PDE6A: variants seen among roughly 807,000 people sequenced by gnomAD.
PDE6A encodes phosphodiesterase 6A.
PDE6A carries 84 observed loss-of-function variants against 106.3 expected under a neutral mutation model. That is an observed-to-expected ratio of 0.79 (90% CI 0.66 to 0.95). PDE6A has a LOEUF of 0.95. Among genes scored for constraint, PDE6A ranks in the 40% least tolerant of loss-of-function variants. The pLI, the probability that PDE6A is intolerant of heterozygous loss-of-function variation, is 0.00. For synonymous variants in PDE6A, 394 were observed against 386.6 expected, an observed-to-expected ratio of 1.02 and a Z score of -0.23; for missense variants, 1,052 against 1,084.9, an observed-to-expected ratio of 0.97 and a Z score of 0.43.
In PDE6A at chr5:149,869,058, C is replaced by T. The variant is rs572700598; in HGVS notation, c.2136-900G>A. ...TTAAGGCTTGGAAAGGGCCAGGTGCCGTGGCTCACGCCAGTAATCCCAGCC... is the reference window on the plus strand; with the variant it reads ...TTAAGGCTTGGAAAGGGCCAGGTGCTGTGGCTCACGCCAGTAATCCCAGCC... On this transcript the variant is annotated intron_variant, in intron 17 of 21. Transcript: ENST00000255266. Among the ~76,000 whole-genome samples, 9 of 152,264 alleles carry T rather than the reference C, an allele frequency of 5.9e-5. No individual in the cohort carries two copies. The East Asian group carries it at 9.6e-4, about 16-fold the overall frequency.
chr5:149,913,711 CAGTTA>C (rs1167767609), intron 6 of PDE6A, among the ~76,000 whole-genome samples: 1 of 152,084 alleles, frequency 6.6e-6, no homozygotes, highest in African/African-American at 2.4e-5. Flanking sequence ...AAGGCCTCTG[CAGTTA>C]AGTTGAGAAA....
intron 19 of PDE6A, chr5:149,867,455 G>A: frequency 1.8e-6 from 1 of 558,800 alleles, no homozygotes. Flanking sequence ...ATTTAGGAGG[G>A]CTTACTAGTT....
chr5:149,891,998 C>A (rs1451374518), intron 13 of PDE6A, among the ~76,000 whole-genome samples: 3 of 152,166 alleles, frequency 2.0e-5, no homozygotes, highest in African/African-American at 7.2e-5. Flanking sequence ...GATGCTATAA[C>A]ACTACTTAAA....
intron 19 of PDE6A, chr5:149,866,755 A>G (rs1036501200): frequency 4.4e-5 from 7 of 160,790 alleles, no homozygotes; most frequent in African/African-American, 1.4e-4. Flanking sequence ...CTCTTGTCTC[A>G]TAGAGATACG....
intron 13 of PDE6A, among the ~76,000 whole-genome samples, chr5:149,888,242 TCTG>T (rs1310282903): frequency 1.3e-5 from 2 of 152,140 alleles, no homozygotes; most frequent in Admixed American, 1.3e-4. Flanking sequence ...CTAAAAATTT[TCTG>T]TGCCACAGTG....
chr5:149,902,527 A>G (rs944682766), intron 8 of PDE6A, among the ~76,000 whole-genome samples: 1 of 151,898 alleles, frequency 6.6e-6, no homozygotes, highest in East Asian at 1.9e-4. Context: ...AAAAAGACAA[A>G]ATCAAATGGA....
Position 149,860,673 on chromosome 5 carries a change from C to A in PDE6A, c.*222G>T. ...TGGCGATTTTTTTTTTTAAGTTCAA[C>A]AGCTATCATTAGTGTTACTGTATTT... is the stretch of plus-strand genomic sequence containing the variant. On this transcript the variant is annotated 3_prime_UTR_variant, in exon 22 of 22. Coordinates refer to ENST00000255266, the MANE Select transcript of PDE6A (RefSeq NM_000440.3). 2.4e-5 allele frequency: 9 copies of A among 380,662 alleles called. No homozygotes were observed. Among genetic ancestry groups the A allele is most frequent in the Middle Eastern group, 6.9e-4 (1 of 1,454 alleles). 23.6% of individuals were successfully genotyped at this position (380,662 alleles called of 1,614,324 possible). A position where few individuals can be genotyped will look rare whatever the true frequency, so the allele number is the denominator to read the frequency against.
intron 6 of PDE6A, among the ~76,000 whole-genome samples, chr5:149,909,183 C>G (rs1043998155): frequency 5.3e-5 from 8 of 151,970 alleles, no homozygotes; most frequent in Admixed American, 1.3e-4. Context: ...TTGTTTGAGA[C>G]AGGGTCTCAC....
intron 13 of PDE6A, among the ~76,000 whole-genome samples, chr5:149,888,401 A>T (rs1379268777): frequency 6.6e-6 from 1 of 150,900 alleles, no homozygotes; most frequent in Admixed American, 6.6e-5. Flanking sequence ...AGGGTTAAGA[A>T]TTCTAATTAA....
chr5:149,913,066 G>A (rs1327760470), intron 6 of PDE6A, among the ~76,000 whole-genome samples: 1 of 152,070 alleles, frequency 6.6e-6, no homozygotes, highest in Non-Finnish European at 1.5e-5. Flanking sequence ...GAAAAAAAAA[G>A]AGAGATGAAC....
intron 13 of PDE6A, 55 bp from the exon 14 acceptor site, chr5:149,886,429 G>A (rs1752308969): frequency 1.8e-5 from 25 of 1,352,124 alleles, no homozygotes; most frequent in South Asian, 1.8e-4. Context: ...CTGGAAGCAG[G>A]GCTGAAAAGG....
At chr5:149,932,204 A>G (rs1231041277) in intron 3 of PDE6A, 54 of 1,291,594 alleles carry the variant, frequency 4.2e-5, no homozygotes, top group Admixed American at 3.2e-4. Context: ...CAATTGTTGT[A>G]TCTGTATTTG....
At chr5:149,925,549 A>C (rs986793290) in intron 4 of PDE6A, among the ~76,000 whole-genome samples, 2 of 151,918 alleles carry the variant, frequency 1.3e-5, no homozygotes, top group Non-Finnish European at 2.9e-5. Flanking sequence ...TGTGCTAAAA[A>C]CACAAAAATT....
intron 3 of PDE6A, chr5:149,932,283 CGCTCTCTTTTTAGTCG>C: frequency 2.8e-6 from 4 of 1,440,930 alleles, no homozygotes; most frequent in Non-Finnish European, 3.9e-6. Context: ...ACTCGTAGAC[CGCTCTCTTTTTAGTCG>C]GCCAACTGCA....
intron 13 of PDE6A, among the ~76,000 whole-genome samples, chr5:149,894,322 C>T (rs1339951952): frequency 6.6e-6 from 1 of 152,106 alleles, no homozygotes; most frequent in Non-Finnish European, 1.5e-5. Context: ...TCTCTAGACA[C>T]TGCCACAATT....
intron 10 of PDE6A, among the ~76,000 whole-genome samples, chr5:149,897,729 C>A (rs943915944): frequency 1.3e-5 from 2 of 152,114 alleles, no homozygotes; most frequent in Non-Finnish European, 2.9e-5. Context: ...TACAGGCACA[C>A]GCCACCATGC....
chr5:149,932,645 C>G lies in PDE6A; in HGVS notation c.717+1285G>C. On this transcript the variant is annotated intron_variant, in intron 3 of 21. Coordinates refer to ENST00000255266, the MANE Select transcript of PDE6A (RefSeq NM_000440.3). The stretch of plus-strand genomic sequence containing the variant: ...TGCCTTCAGTATATTCCATTTCGTA[C>G]GAATTCGACTAATTTCTGCCATCTC... The G allele has an allele frequency of 1.9e-6, 3 of 1,613,030 alleles. No individual in the cohort carries two copies. In the East Asian group the frequency reaches 6.7e-5, roughly 36 times the overall value.
chr5:149,940,211 C>G (rs1398813174), intron 1 of PDE6A: 1 of 152,190 alleles, frequency 6.6e-6, no homozygotes, highest in African/African-American at 2.4e-5. Context: ...ATCTGTGAAA[C>G]AGAGATAATG....
intron 11 of PDE6A, 60 bp downstream of exon 11, chr5:149,896,651 G>T: frequency 6.2e-7 from 1 of 1,613,824 alleles, no homozygotes; most frequent in Non-Finnish European, 8.5e-7. Flanking sequence ...ACCCCTGCAT[G>T]CTCAGGAGCA....
Sources: gnomAD v4.1 joint callset for allele counts (sites outside exome capture counted in the v4.1 genomes callset) on GRCh38, gnomAD v4.1.1 for gene constraint, MANE v1.5 for transcripts, NCBI Gene and HGNC (gene_info 2026-07-23, HGNC 2026-07-21) for gene names.